The following MECOM variants were observed in gnomAD, a reference collection of about 807,000 sequenced individuals.
MECOM encodes MDS1 and EVI1 complex locus.
A neutral mutation model predicts 116.3 loss-of-function variants in MECOM; 13 were observed. The ratio of observed to expected loss-of-function variants is 0.11; its 90% CI spans 0.07 to 0.18. MECOM has a LOEUF of 0.18. Among genes scored for constraint, MECOM ranks in the 10% least tolerant of loss-of-function variants. MECOM has a pLI of 1.00. For synonymous variants in MECOM, 528 were observed against 535.2 expected (o/e 0.99, Z 0.19); for missense variants, 1,299 against 1,509.0 (o/e 0.86, Z 2.31).
At chr3:169,339,009 C>T (rs1724041574) in intron 2 of MECOM, among the ~76,000 whole-genome samples, 1 of 151,898 alleles carries the variant, frequency 6.6e-6, no homozygotes, top group South Asian at 2.1e-4. Context: ...GCCATTTTTC[C>T]AATGATTTCC....
chr3:169,417,783 A>C (rs1182408060), intron 1 of MECOM, among the ~76,000 whole-genome samples: 6 of 152,148 alleles, frequency 3.9e-5, no homozygotes, highest in African/African-American at 1.4e-4. Flanking sequence ...CAGCCATAAA[A>C]ATGATGAGTT....
At chr3:169,364,031 T>C (rs1370438802) in intron 2 of MECOM, among the ~76,000 whole-genome samples, 1 of 151,960 alleles carries the variant, frequency 6.6e-6, no homozygotes, top group Non-Finnish European at 1.5e-5. Context: ...TATAATTTTG[T>C]CTGTATTGCG....
At chr3:169,342,871 A>T (rs891600073) in intron 2 of MECOM, among the ~76,000 whole-genome samples, 2 of 152,158 alleles carry the variant, frequency 1.3e-5, no homozygotes, top group Non-Finnish European at 2.9e-5. Context: ...TTACTCAGGA[A>T]GTGGGGATTC....
intron 2 of MECOM, among the ~76,000 whole-genome samples, chr3:169,331,100 C>T (rs568978241): frequency 3.3e-5 from 5 of 152,076 alleles, no homozygotes; most frequent in Non-Finnish European, 7.4e-5. Flanking sequence ...ATGTTCTAGA[C>T]ACTGTACAAA....
At position 169,281,294 on chromosome 3, in the gene MECOM, A is replaced by C. The variant is rs146210489; in HGVS notation, c.375+99893T>G. 9.4e-4 allele frequency among the ~76,000 whole-genome samples: 143 copies of C among 152,228 alleles called. 1 individual carries two copies. The highest frequency in any genetic ancestry group is 3.4e-3 in the African/African-American group (142 of 41,534). On this transcript the variant is annotated intron_variant, in intron 2 of 16. Coordinates refer to ENST00000651503, the MANE Select transcript of MECOM (RefSeq NM_004991.4). ...TAGAGGAAGTATCTCTGGGTGTAGA[A>C]ATAGCGGGACCCTGGTTAAGTCACT...
intron 2 of MECOM, among the ~76,000 whole-genome samples, chr3:169,331,437 A>C (rs1403017517): frequency 6.6e-6 from 1 of 152,170 alleles, no homozygotes; most frequent in African/African-American, 2.4e-5. Context: ...ACAGCCATAA[A>C]AGTGTTAATT....
At chr3:169,534,527 T>TC (rs976849591) in intron 1 of MECOM, among the ~76,000 whole-genome samples, 13 of 151,732 alleles carry the variant, frequency 8.6e-5, no homozygotes, top group African/African-American at 2.9e-4. Flanking sequence ...CTGTATCCAC[T>TC]CCCCCCATTC....
intron 2 of MECOM, among the ~76,000 whole-genome samples, chr3:169,191,511 T>C (rs1747544241): frequency 6.6e-6 from 1 of 151,530 alleles, no homozygotes; most frequent in Non-Finnish European, 1.5e-5. Flanking sequence ...AAAATATGTT[T>C]GAGTGGATTT....
intron 1 of MECOM, among the ~76,000 whole-genome samples, chr3:169,485,979 T>G (rs1429190242): frequency 8.4e-6 from 1 of 119,116 alleles, no homozygotes; most frequent in Non-Finnish European, 1.7e-5. Flanking sequence ...TATACATATA[T>G]ATATAGTATA....
At chr3:169,382,775 C>T (rs1039787465) in intron 1 of MECOM, among the ~76,000 whole-genome samples, 11 of 144,170 alleles carry the variant, frequency 7.6e-5, no homozygotes, top group African/African-American at 1.8e-4. Context: ...ATTGCTTGAA[C>T]TTGAGAAGGC....
intron 1 of MECOM, among the ~76,000 whole-genome samples, chr3:169,657,091 C>T (rs1210505577): frequency 6.6e-6 from 1 of 152,094 alleles, no homozygotes; most frequent in Non-Finnish European, 1.5e-5. Context: ...CTACTGATAC[C>T]AATAGGGAAG....
At chr3:169,129,317 G>C (rs1003690463) in intron 4 of MECOM, among the ~76,000 whole-genome samples, 8 of 151,984 alleles carry the variant, frequency 5.3e-5, no homozygotes, top group African/African-American at 1.9e-4. Flanking sequence ...GCTGGAGGGG[G>C]TGCAGCTCAC....
chr3:169,453,508 T>C (rs1745952749), intron 1 of MECOM, among the ~76,000 whole-genome samples: 1 of 152,184 alleles, frequency 6.6e-6, no homozygotes, highest in Non-Finnish European at 1.5e-5. Flanking sequence ...GGACATTTTT[T>C]TCTTTCAGAA....
At chr3:169,329,181 A>T (rs1035807595) in intron 2 of MECOM, among the ~76,000 whole-genome samples, 1 of 152,200 alleles carries the variant, frequency 6.6e-6, no homozygotes, top group African/African-American at 2.4e-5. Flanking sequence ...ACTTTTTTTA[A>T]AATTAGAGAT....
chr3:169,128,124 C>G (rs936040961), intron 4 of MECOM, 64 bp from the exon 5 acceptor site: 2 of 1,443,654 alleles, frequency 1.4e-6, no homozygotes, highest in Non-Finnish European at 1.9e-6. Context: ...ACCAGCCAAT[C>G]TTACCAAATT....
intron 1 of MECOM, among the ~76,000 whole-genome samples, chr3:169,462,383 C>G (rs1010925403): frequency 1.3e-5 from 2 of 152,174 alleles, no homozygotes; most frequent in Non-Finnish European, 2.9e-5. Context: ...AGGGCTCTTT[C>G]CCATCTTTGC....
chr3:169,488,402 C>G (rs1752668992), intron 1 of MECOM, among the ~76,000 whole-genome samples: 1 of 145,710 alleles, frequency 6.9e-6, no homozygotes, highest in Non-Finnish European at 1.5e-5. Context: ...AAAAATTAGC[C>G]AGGTGTGGTG....
intron 2 of MECOM, among the ~76,000 whole-genome samples, chr3:169,267,384 A>C (rs867858199): frequency 6.6e-6 from 1 of 152,154 alleles, no homozygotes; most frequent in Non-Finnish European, 1.5e-5. Flanking sequence ...CTCTCTTTAC[A>C]TCTCATGGCC....
intron 1 of MECOM, among the ~76,000 whole-genome samples, chr3:169,567,928 C>T (rs1286080738): frequency 6.6e-6 from 1 of 152,062 alleles, no homozygotes; most frequent in African/African-American, 2.4e-5. Flanking sequence ...AGGAGAGGGG[C>T]AAAATGGCTG....
Sources: allele counts gnomAD v4.1 joint callset (sites outside exome capture counted in the v4.1 genomes callset), GRCh38; gene constraint gnomAD v4.1.1; transcripts MANE v1.5; gene names NCBI Gene and HGNC (gene_info 2026-07-23, HGNC 2026-07-21).